ARHGAP15: variants seen among roughly 807,000 people sequenced by gnomAD.
ARHGAP15 encodes rho GTPase-activating protein 15.
A neutral mutation model predicts 63.7 loss-of-function variants in ARHGAP15; 51 were observed. The observed-to-expected ratio is 0.80, with a 90% CI of 0.64 to 1.01. ARHGAP15 has a LOEUF of 1.01. ARHGAP15 is among the 50% of genes least tolerant of loss of function. The probability of loss-of-function intolerance (pLI) is 0.00; values close to 1 mark genes in which losing one functional copy is unlikely to be tolerated. For synonymous variants in ARHGAP15, 191 were observed against 193.8 expected (o/e 0.99, Z 0.12); for missense variants, 560 against 564.6 (o/e 0.99, Z 0.08).
intron 6 of ARHGAP15, among the ~76,000 whole-genome samples, chr2:143,263,212 G>A (rs1680817428): frequency 6.6e-6 from 1 of 152,082 alleles, no homozygotes; most frequent in African/African-American, 2.4e-5. Context: ...TCACGTGCCT[G>A]GTGTTTCATT....
intron 9 of ARHGAP15, among the ~76,000 whole-genome samples, chr2:143,493,286 G>T (rs1692668640): frequency 6.6e-6 from 1 of 151,900 alleles, no homozygotes; most frequent in African/African-American, 2.4e-5. Flanking sequence ...TACCTCCATG[G>T]CTTTTTCATA....
chr2:143,165,996 A>AGG (rs1393875243), intron 2 of ARHGAP15, among the ~76,000 whole-genome samples: 11 of 99,172 alleles, frequency 1.1e-4, no homozygotes, highest in East Asian at 7.7e-4. Flanking sequence ...GAAAGAAAGA[A>AGG]AGAAAGAAGG....
At chr2:143,637,422 TG>T (rs914587848) in intron 12 of ARHGAP15, among the ~76,000 whole-genome samples, 28 of 152,094 alleles carry the variant, frequency 1.8e-4, no homozygotes, top group African/African-American at 6.8e-4. Flanking sequence ...CATGCTGAAA[TG>T]TGCACACCAT....
chr2:143,682,483 T>C (rs1683145424), intron 12 of ARHGAP15, among the ~76,000 whole-genome samples: 1 of 152,176 alleles, frequency 6.6e-6, no homozygotes, highest in South Asian at 2.1e-4. Context: ...TGATTACATA[T>C]ATACATATAT....
intron 11 of ARHGAP15, among the ~76,000 whole-genome samples, chr2:143,559,976 A>C (rs939134380): frequency 6.6e-6 from 1 of 152,200 alleles, no homozygotes; most frequent in African/African-American, 2.4e-5. Flanking sequence ...ATTTTTAAAC[A>C]AGTAAGCCCT....
In ARHGAP15 at chr2:143,330,863, C is replaced by T. The variant is rs921894449; in HGVS notation, c.474+80263C>T. The stretch of plus-strand genomic sequence containing the variant: ...TTATTTGCACATTAAACATAAATAA[C>T]CTACATTATATGCATGCTCTTTAGA... On this transcript the variant is annotated intron_variant, in intron 6 of 13. Transcript: ENST00000295095. Among the ~76,000 whole-genome samples, 5 of 152,260 alleles carry T rather than the reference C, an allele frequency of 3.3e-5. No homozygotes were observed. In the East Asian group the frequency reaches 7.7e-4, roughly 23 times the overall value.
chr2:143,525,001 C>G (rs1472857829), intron 10 of ARHGAP15, among the ~76,000 whole-genome samples: 1 of 152,140 alleles, frequency 6.6e-6, no homozygotes, highest in Non-Finnish European at 1.5e-5. Flanking sequence ...CTACCGAGTG[C>G]TTACTTGCAA....
At chr2:143,703,307 G>A in intron 12 of ARHGAP15, 112 bp from the exon 13 acceptor site, 1 of 663,258 alleles carries the variant, frequency 1.5e-6, no homozygotes, top group South Asian at 2.0e-5. Context: ...TACTGACTAG[G>A]ACTCTTAGTT....
At chr2:143,271,939 T>TAAACAGTTTGTGGAATTTC (rs1402363563) in intron 6 of ARHGAP15, among the ~76,000 whole-genome samples, 2 of 152,264 alleles carry the variant, frequency 1.3e-5, no homozygotes, top group Non-Finnish European at 2.9e-5. Context: ...ATTTTAATTT[T>TAAACAGTTTGTGGAATTTC]AAACAGTTTG....
At chr2:143,159,650 G>A (rs1052256074) in intron 2 of ARHGAP15, among the ~76,000 whole-genome samples, 1 of 151,932 alleles carries the variant, frequency 6.6e-6, no homozygotes, top group Non-Finnish European at 1.5e-5. Flanking sequence ...ATCAATATGT[G>A]AAAACCATTG....
rs528787703 is a variant in ARHGAP15, at chr2:143,761,516, A to G, written c.1245-6473A>G. Among the ~76,000 whole-genome samples the G allele has an allele frequency of 3.7e-3, 416 of 111,156 alleles. 1 individual carries two copies. Among genetic ancestry groups the G allele is most frequent in the Non-Finnish European group, 7.0e-3 (305 of 43,850 alleles). The allele number at this position is 111,156 out of a possible 152,430, so 72.9% of individuals were successfully genotyped here. ...AGTAACAGCAAAGCACAAACTTAAA[A>G]GAAAGTTCACATCCATAAATCTGTT... is the stretch of plus-strand genomic sequence containing the variant. On this transcript the variant is annotated intron_variant, in intron 13 of 13. Coordinates refer to ENST00000295095, the MANE Select transcript of ARHGAP15 (RefSeq NM_018460.4).
rs536293989 is a variant in ARHGAP15, at chr2:143,457,011, G to A, written c.703+19969G>A. Among the ~76,000 whole-genome samples, 19 of 152,072 alleles carry A rather than the reference G, an allele frequency of 1.2e-4. No homozygotes were observed. In the South Asian group the frequency reaches 3.7e-3, roughly 30 times the overall value. ...AATTTAACAGATGGTGAGTTAAAAA[G>A]TAAAAACAAAATCTCGAATCGTAAC... On this transcript the variant is annotated intron_variant, in intron 8 of 13. Transcript: ENST00000295095.
At chr2:143,566,190 C>T (rs1252611455) in intron 11 of ARHGAP15, among the ~76,000 whole-genome samples, 1 of 152,078 alleles carries the variant, frequency 6.6e-6, no homozygotes, top group African/African-American at 2.4e-5. Flanking sequence ...GTCTGAATGA[C>T]TTAGAACCAC....
intron 9 of ARHGAP15, among the ~76,000 whole-genome samples, chr2:143,506,408 CCTA>C (rs1178910655): frequency 6.6e-6 from 1 of 152,100 alleles, no homozygotes; most frequent in Non-Finnish European, 1.5e-5. Context: ...CTATAAAGTT[CCTA>C]CTTAGTCAAG....
intron 12 of ARHGAP15, among the ~76,000 whole-genome samples, chr2:143,633,226 T>G (rs1361866035): frequency 6.6e-6 from 1 of 152,164 alleles, no homozygotes; most frequent in Admixed American, 6.5e-5. Context: ...CTGGAAAGTT[T>G]ATGGCTAATG....
chr2:143,416,134 TAAA>T (rs34883043), intron 6 of ARHGAP15, among the ~76,000 whole-genome samples: 1 of 140,798 alleles, frequency 7.1e-6, no homozygotes, highest in African/African-American at 2.6e-5. Flanking sequence ...AAATAATAAT[TAAA>T]AAAAAAAAAA....
chr2:143,169,415 C>T (rs1690678431), intron 2 of ARHGAP15, among the ~76,000 whole-genome samples: 1 of 151,926 alleles, frequency 6.6e-6, no homozygotes, highest in South Asian at 2.1e-4. Flanking sequence ...TTTGTATGTC[C>T]CCTGAGGACC....
At chr2:143,351,912 A>G (rs1028713506) in intron 6 of ARHGAP15, among the ~76,000 whole-genome samples, 9 of 152,204 alleles carry the variant, frequency 5.9e-5, no homozygotes, top group Non-Finnish European at 1.3e-4. Flanking sequence ...TTTCTTATCT[A>G]AAATATAAAT....
At chr2:143,291,258 C>T (rs1247996880) in intron 6 of ARHGAP15, among the ~76,000 whole-genome samples, 1 of 151,972 alleles carries the variant, frequency 6.6e-6, no homozygotes, top group Non-Finnish European at 1.5e-5. Flanking sequence ...GAATGGTATT[C>T]GATTAAGTAT....
Sources: allele counts gnomAD v4.1 joint callset (sites outside exome capture counted in the v4.1 genomes callset), GRCh38; gene constraint gnomAD v4.1.1; transcripts MANE v1.5; gene names NCBI Gene and HGNC (gene_info 2026-07-23, HGNC 2026-07-21).